Variants in ODAD2 observed in about 807,000 individuals in gnomAD.
ODAD2 encodes outer dynein arm-docking complex subunit 2.
In ODAD2, 89 loss-of-function variants were observed where a neutral mutation model predicts 106.8. That is an observed-to-expected ratio of 0.83 (90% CI 0.70 to 0.99). The LOEUF is 0.99. Among genes scored for constraint, ODAD2 ranks in the 50% least tolerant of loss-of-function variants. ODAD2 has a pLI of 0.00. For missense variants in ODAD2, 1,168 were observed against 1,238.5 expected (o/e 0.94, Z 0.85); for synonymous variants, 404 against 436.2 (o/e 0.93, Z 0.92).
At chr10:27,855,987 G>GATCACTTT (rs1231051041) in intron 19 of ODAD2, among the ~76,000 whole-genome samples, 2 of 152,084 alleles carry the variant, frequency 1.3e-5, no homozygotes, top group African/African-American at 4.8e-5. Flanking sequence ...TCTTCTAGTT[G>GATCACTTT]ATCACTTTTT....
chr10:27,971,270 A>G lies in ODAD2; in HGVS notation c.980T>C (p.Leu327Pro). ...TTCTTCCTTCTTGGGGGCTTTGCCA[A>G]GCTGATCCTTTTCCTTTTGCTGGTC... ...SEDQQKEKDQ[L>P]GKAPKKEEAA... is the part of the protein sequence containing the mutation. The change falls in exon 8 of 20, where the codon CTT becomes CCT. Residue 327 changes from leucine to proline, a missense_variant. By Grantham distance (98) the Leu-to-Pro change is moderately conservative (BLOSUM62 -3). Transcript: ENST00000305242. The G allele has an allele frequency of 6.2e-7, 1 of 1,613,104 alleles. No individual in the cohort carries two copies. Among genetic ancestry groups the G allele is most frequent in the South Asian group, 1.1e-5 (1 of 90,882 alleles).
Position 27,995,180 on chromosome 10 carries a change from A to G in ODAD2, c.-38T>C. 1 of 1,608,012 alleles carries G rather than the reference A, an allele frequency of 6.2e-7. No homozygotes were observed. Among genetic ancestry groups the G allele is most frequent in the Non-Finnish European group, 8.5e-7 (1 of 1,176,138 alleles). On this transcript the variant is annotated splice_region_variant and 5_prime_UTR_variant, in exon 2 of 20. Coordinates refer to ENST00000305242, the MANE Select transcript of ODAD2 (RefSeq NM_018076.5). ...GCTCAGACCTGAGCTTAGCACACGCACTACATCAGAGCAGAAAGAGAAAGA... is the reference window on the plus strand; with the variant it reads ...GCTCAGACCTGAGCTTAGCACACGCGCTACATCAGAGCAGAAAGAGAAAGA...
intron 19 of ODAD2, among the ~76,000 whole-genome samples, chr10:27,823,825 A>G (rs1397051663): frequency 6.6e-6 from 1 of 152,160 alleles, no homozygotes; most frequent in African/African-American, 2.4e-5. Context: ...AGGCATTAGA[A>G]CTAACACATC....
At chr10:27,979,073 G>T (rs1414954887) in intron 7 of ODAD2, among the ~76,000 whole-genome samples, 7 of 151,896 alleles carry the variant, frequency 4.6e-5, no homozygotes, top group Admixed American at 4.6e-4. Flanking sequence ...CGCAGAGCAT[G>T]GTGGCAGATG....
rs193130945 is a variant in ODAD2, at chr10:27,862,762, A to G, written c.2611-140T>C. The stretch of plus-strand genomic sequence containing the variant: ...CTTCAACTTAATTTATTTCTATATT[A>G]TATATTATTTCTACATGTATATGTA... On this transcript the variant is annotated intron_variant, in intron 17 of 19. Coordinates refer to ENST00000305242, the MANE Select transcript of ODAD2 (RefSeq NM_018076.5). The G allele has an allele frequency of 5.7e-5, 30 of 522,626 alleles. 1 individual carries two copies. The highest frequency in any genetic ancestry group is 4.3e-4 in the African/African-American group (22 of 51,196). The allele number at this position is 522,626 out of a possible 1,614,324, so 32.4% of individuals were successfully genotyped here.
At chr10:27,874,088 T>C (rs1564452864) in intron 17 of ODAD2, among the ~76,000 whole-genome samples, 1 of 152,268 alleles carries the variant, frequency 6.6e-6, no homozygotes, top group Non-Finnish European at 1.5e-5. Context: ...CCTTGTTGAA[T>C]TGATACCTTT....
intron 19 of ODAD2, among the ~76,000 whole-genome samples, chr10:27,813,907 G>A (rs886316159): frequency 2.0e-5 from 3 of 152,172 alleles, no homozygotes; most frequent in Non-Finnish European, 4.4e-5. Flanking sequence ...ACAAATTCAA[G>A]CGATATTTGG....
At chr10:27,932,255 A>T (rs1441893349) in intron 16 of ODAD2, among the ~76,000 whole-genome samples, 1 of 152,102 alleles carries the variant, frequency 6.6e-6, no homozygotes, top group Non-Finnish European at 1.5e-5. Context: ...GGGCAAAATC[A>T]TCTAACACAA....
At chr10:27,898,377 A>C (rs897352678) in intron 17 of ODAD2, among the ~76,000 whole-genome samples, 1 of 152,156 alleles carries the variant, frequency 6.6e-6, no homozygotes, top group African/African-American at 2.4e-5. Context: ...GTTTATGTGA[A>C]CCCTTAGGTG....
chr10:27,975,628 G>A (rs1849142047), intron 7 of ODAD2, among the ~76,000 whole-genome samples: 1 of 152,236 alleles, frequency 6.6e-6, no homozygotes, highest in Non-Finnish European at 1.5e-5. Flanking sequence ...CAAATAAATT[G>A]AATTTGTAGT....
intron 16 of ODAD2, among the ~76,000 whole-genome samples, chr10:27,915,784 GA>G (rs1416003659): frequency 6.6e-6 from 1 of 152,096 alleles, no homozygotes; most frequent in African/African-American, 2.4e-5. Flanking sequence ...CCAGTAAGTG[GA>G]GCACACAAAA....
intron 19 of ODAD2, among the ~76,000 whole-genome samples, chr10:27,817,237 A>G (rs552536191): frequency 6.6e-6 from 1 of 152,286 alleles, no homozygotes; most frequent in Non-Finnish European, 1.5e-5. Flanking sequence ...AGCTATTCAC[A>G]CTTAAATCCC....
intron 17 of ODAD2, among the ~76,000 whole-genome samples, chr10:27,900,223 T>G (rs1832004): frequency 0.66 from 100,831 of 151,814 alleles, 33,779 homozygotes; most frequent in Middle Eastern, 0.74. Flanking sequence ...CAGCAGAGAG[T>G]CCTGACTGTT....
intron 17 of ODAD2, among the ~76,000 whole-genome samples, chr10:27,872,805 G>T (rs1302401422): frequency 6.6e-6 from 1 of 152,188 alleles, no homozygotes; most frequent in Non-Finnish European, 1.5e-5. Context: ...AGGGATATTG[G>T]TCTAAAATTC....
chr10:27,977,336 C>T (rs541843427), intron 7 of ODAD2, among the ~76,000 whole-genome samples: 9 of 151,022 alleles, frequency 6.0e-5, no homozygotes, highest in African/African-American at 9.7e-5. Context: ...AGGCCAAGGT[C>T]GGCAGATCAC....
intron 17 of ODAD2, 127 bp from the exon 18 acceptor site, chr10:27,862,749 T>C (rs886216377): frequency 5.4e-6 from 3 of 550,734 alleles, no homozygotes; most frequent in Non-Finnish European, 9.3e-6. Context: ...TCAACTTAAT[T>C]TATTTCTATA....
chr10:27,815,641 G>A (rs960645171), intron 19 of ODAD2, among the ~76,000 whole-genome samples: 2 of 151,922 alleles, frequency 1.3e-5, no homozygotes, highest in Non-Finnish European at 2.9e-5. Context: ...GCTTTTCCTC[G>A]TATCCATTCA....
At chr10:27,969,140 A>G (rs1848663349) in intron 8 of ODAD2, 122 bp from the exon 9 acceptor site, 7 of 654,926 alleles carry the variant, frequency 1.1e-5, no homozygotes, top group Non-Finnish European at 1.8e-5. Context: ...CGTGTTCCTG[A>G]CAAGAGTTCC....
chr10:27,823,011 G>A (rs1476255013), intron 19 of ODAD2, among the ~76,000 whole-genome samples: 1 of 152,168 alleles, frequency 6.6e-6, no homozygotes, highest in Non-Finnish European at 1.5e-5. Context: ...ATATAATAGA[G>A]AGAGCCCTAT....
Sources: allele counts gnomAD v4.1 joint callset (sites outside exome capture counted in the v4.1 genomes callset), GRCh38; gene constraint gnomAD v4.1.1; transcripts MANE v1.5; gene names NCBI Gene and HGNC (gene_info 2026-07-23, HGNC 2026-07-21).